KLHL32: variants seen among roughly 807,000 people sequenced by gnomAD.
KLHL32 encodes the protein kelch like family member 32, also known as kelch-like protein 32.
A neutral mutation model predicts 64.8 loss-of-function variants in KLHL32; 35 were observed. That is an observed-to-expected ratio of 0.54 (90% confidence interval 0.41 to 0.72). KLHL32 has a LOEUF of 0.72. Among genes scored for constraint, KLHL32 ranks in the 30% least tolerant of loss-of-function variants. KLHL32 has a pLI of 0.00. For synonymous variants in KLHL32, 259 were observed against 281.0 expected (o/e 0.92, Z 0.78); for missense variants, 589 against 768.5 (o/e 0.77, Z 2.76).
At chr6:96,899,115 C>A in the KLHL32 span, among the ~76,000 whole-genome samples, 1 of 152,166 alleles carries the variant, frequency 6.6e-6, no homozygotes, top group African/African-American at 2.4e-5. Flanking sequence ...GCAAGGAAGA[C>A]GGCTTCAGCC....
chr6:97,023,484 T>C (rs1782291609), intron 3 of KLHL32, among the ~76,000 whole-genome samples: 4 of 152,168 alleles, frequency 2.6e-5, no homozygotes, highest in Non-Finnish European at 5.9e-5. Context: ...GAAGCTGCTG[T>C]GGGGGTGGGA....
At chr6:97,001,010 T>A (rs1362113921) in intron 3 of KLHL32, among the ~76,000 whole-genome samples, 1 of 152,178 alleles carries the variant, frequency 6.6e-6, no homozygotes, top group Non-Finnish European at 1.5e-5. Context: ...AAGGTCAGTG[T>A]TTGGCAGAGA....
At chr6:96,979,655 T>C (rs749150689) in intron 3 of KLHL32, among the ~76,000 whole-genome samples, 3 of 152,198 alleles carry the variant, frequency 2.0e-5, no homozygotes, top group Non-Finnish European at 2.9e-5. Flanking sequence ...CTTTTATGGT[T>C]CCATATGAAT....
At chr6:96,941,358 A>G (rs747250867) in intron 1 of KLHL32, among the ~76,000 whole-genome samples, 8 of 152,198 alleles carry the variant, frequency 5.3e-5, no homozygotes, top group Non-Finnish European at 1.0e-4. Context: ...AAGTGGTGAA[A>G]CAAACATGCA....
intron 5 of KLHL32, among the ~76,000 whole-genome samples, chr6:97,081,964 A>C (rs1792609171): frequency 6.6e-6 from 1 of 152,344 alleles, no homozygotes; most frequent in African/African-American, 2.4e-5. Context: ...TGCCCCGGTC[A>C]TGGAAGGCTA....
At chr6:97,052,401 C>T (rs185515750) in intron 4 of KLHL32, among the ~76,000 whole-genome samples, 100 of 152,366 alleles carry the variant, frequency 6.6e-4, no homozygotes, top group African/African-American at 2.4e-3. Context: ...AAGTAACAGT[C>T]TTCTCTTTGT....
At chr6:96,992,311 T>G (rs1337916257) in intron 3 of KLHL32, among the ~76,000 whole-genome samples, 2 of 152,220 alleles carry the variant, frequency 1.3e-5, no homozygotes, top group African/African-American at 2.4e-5. Context: ...GTTTCCTGGC[T>G]GTGGGGGGCC....
the KLHL32 span, among the ~76,000 whole-genome samples, chr6:96,913,505 A>G: frequency 1.3e-5 from 2 of 152,208 alleles, no homozygotes; most frequent in Non-Finnish European, 2.9e-5. Flanking sequence ...AAACAGTCCT[A>G]CCTTGACTGA....
At chr6:97,068,029 C>T (rs1022732575) in intron 5 of KLHL32, among the ~76,000 whole-genome samples, 3 of 152,024 alleles carry the variant, frequency 2.0e-5, no homozygotes, top group African/African-American at 7.2e-5. Context: ...CACACACACA[C>T]ACACATACAC....
chr6:96,961,142 G>A (rs765575566), intron 1 of KLHL32, among the ~76,000 whole-genome samples: 2 of 152,164 alleles, frequency 1.3e-5, no homozygotes, highest in East Asian at 3.9e-4. Flanking sequence ...AAAATATTTT[G>A]ATTTCCTTCT....
intron 3 of KLHL32, chr6:96,999,558 A>G (rs1161162636): frequency 1.0e-6 from 1 of 974,684 alleles, no homozygotes; most frequent in Non-Finnish European, 1.2e-6. Flanking sequence ...GTAAAAATCC[A>G]GGTATTAGGA....
chr6:97,016,805 T>C (rs1474519100), intron 3 of KLHL32, among the ~76,000 whole-genome samples: 1 of 152,102 alleles, frequency 6.6e-6, no homozygotes, highest in Admixed American at 6.5e-5. Flanking sequence ...TGGTGTGAGA[T>C]GGTTGGATCC....
chr6:96,922,014 C>T (rs954466581), upstream of KLHL32, among the ~76,000 whole-genome samples: 3 of 152,192 alleles, frequency 2.0e-5, no homozygotes, highest in Admixed American at 6.5e-5. Flanking sequence ...AGGTTTCTTT[C>T]GTGTAAGACC....
chr6:97,064,097 A>C (rs968236622), intron 4 of KLHL32, among the ~76,000 whole-genome samples: 3 of 152,178 alleles, frequency 2.0e-5, no homozygotes, highest in African/African-American at 7.2e-5. Flanking sequence ...GAGAAAGAGG[A>C]AAATGGAAGT....
the KLHL32 span, among the ~76,000 whole-genome samples, chr6:96,910,575 T>C: frequency 6.6e-6 from 1 of 152,254 alleles, no homozygotes; most frequent in African/African-American, 2.4e-5. Flanking sequence ...TGTTTAATTG[T>C]ACTTAATTTG....
intron 1 of KLHL32, among the ~76,000 whole-genome samples, chr6:96,933,948 A>G (rs188349464): frequency 1.8e-4 from 27 of 152,318 alleles, no homozygotes; most frequent in Admixed American, 1.5e-3. Context: ...TCACTCTGTA[A>G]GGAGTGACCT....
chr6:96,911,289 C>T, the KLHL32 span, among the ~76,000 whole-genome samples: 1 of 152,190 alleles, frequency 6.6e-6, no homozygotes, highest in Non-Finnish European at 1.5e-5. Flanking sequence ...AAGAAAAAGA[C>T]TTCTGTGCAC....
At chr6:97,128,753 C>T (rs1347306830) in intron 8 of KLHL32, among the ~76,000 whole-genome samples, 1 of 152,222 alleles carries the variant, frequency 6.6e-6, no homozygotes, top group East Asian at 1.9e-4. Flanking sequence ...CCCCACCAGG[C>T]CTCTCTGTTT....
the KLHL32 span, among the ~76,000 whole-genome samples, chr6:96,915,996 GAATTA>G: frequency 6.6e-6 from 1 of 152,160 alleles, no homozygotes; most frequent in East Asian, 1.9e-4. Flanking sequence ...AACTTCAGCT[GAATTA>G]AATTAAAAGG....
Sources: allele counts gnomAD v4.1 joint callset (sites outside exome capture counted in the v4.1 genomes callset), GRCh38; gene constraint gnomAD v4.1.1; transcripts MANE v1.5; gene names NCBI Gene and HGNC (gene_info 2026-07-23, HGNC 2026-07-21).